Variants in ITGAE observed in about 807,000 individuals in gnomAD.
ITGAE encodes the protein integrin subunit alpha E, also known as integrin alpha-E.
A neutral mutation model predicts 136.5 loss-of-function variants in ITGAE; 99 were observed. The observed-to-expected ratio is 0.73, with a 90% CI of 0.62 to 0.86. ITGAE has a LOEUF of 0.86. Among genes scored for constraint, ITGAE ranks in the 40% least tolerant of loss-of-function variants. ITGAE has a pLI of 0.00. For synonymous variants in ITGAE, 613 were observed against 591.8 expected, an observed-to-expected ratio of 1.04 and a Z score of -0.52; for missense variants, 1,447 against 1,515.3, an observed-to-expected ratio of 0.95 and a Z score of 0.75.
intron 20 of ITGAE, among the ~76,000 whole-genome samples, chr17:3,736,974 A>T (rs1264633990): frequency 6.6e-6 from 1 of 151,852 alleles, no homozygotes; most frequent in Non-Finnish European, 1.5e-5. Flanking sequence ...TCCACCCGAG[A>T]GATGATACAT....
chr17:3,786,049 C>T (rs988056802), intron 1 of ITGAE, among the ~76,000 whole-genome samples: 5 of 151,552 alleles, frequency 3.3e-5, no homozygotes, highest in Admixed American at 3.3e-4. Context: ...CGCCTGTAGT[C>T]CCAGCTACTC....
At chr17:3,751,295 G>A (rs1201812304) in intron 15 of ITGAE, among the ~76,000 whole-genome samples, 2 of 151,950 alleles carry the variant, frequency 1.3e-5, no homozygotes, top group Non-Finnish European at 2.9e-5. Context: ...CGGAGGTGCT[G>A]GGTGGGAGAC....
At chr17:3,790,489 G>A (rs2052911545) in intron 1 of ITGAE, among the ~76,000 whole-genome samples, 1 of 150,378 alleles carries the variant, frequency 6.6e-6, no homozygotes. Context: ...CCTGGTGATA[G>A]AGCAAGACTC....
intron 8 of ITGAE, among the ~76,000 whole-genome samples, chr17:3,758,771 G>A (rs1242007866): frequency 6.6e-6 from 1 of 151,698 alleles, no homozygotes; most frequent in South Asian, 2.1e-4. Context: ...CATTTTTAAA[G>A]TGAGGAAACT....
chr17:3,721,162 C>T (rs1567753392), intron 28 of ITGAE, among the ~76,000 whole-genome samples: 1 of 151,090 alleles, frequency 6.6e-6, no homozygotes, highest in Non-Finnish European at 1.5e-5. Context: ...CTCCTGGGCT[C>T]AAGCAATCCA....
chr17:3,776,634 C>G (rs1240738763), intron 2 of ITGAE, among the ~76,000 whole-genome samples: 1 of 152,074 alleles, frequency 6.6e-6, no homozygotes, highest in Non-Finnish European at 1.5e-5. Context: ...TCACGGCTCC[C>G]TACAGCCTCG....
In ITGAE at chr17:3,714,885, G is replaced by C. The variant is rs778390325; in HGVS notation, c.3502C>G (p.Gln1168Glu). ...QLNLESIRKA[Q>E]LKSENLLEEE... The stretch of plus-strand genomic sequence containing the variant: ...TCGAGCAGATTCTCTGATTTCAGCT[G>C]GGCCTTCCTGATGCTCTCCAAGTTC... The change falls in exon 31 of 31, where the codon CAG (glutamine) becomes GAG (glutamate). Residue 1168 changes from glutamine to glutamate, a missense_variant. This residue lies in a region of ITGAE where 1,031 missense variants were observed against 1,011.4 expected (regional missense o/e 1.02). Coordinates refer to ENST00000263087, the MANE Select transcript of ITGAE (RefSeq NM_002208.5). 2 of 1,611,054 alleles carry C rather than the reference G, an allele frequency of 1.2e-6. No homozygotes were observed. The highest frequency in any genetic ancestry group is 1.7e-6 in the Non-Finnish European group (2 of 1,178,374).
chr17:3,733,659 G>T (rs1363168768), intron 21 of ITGAE, among the ~76,000 whole-genome samples: 2 of 152,210 alleles, frequency 1.3e-5, no homozygotes, highest in African/African-American at 4.8e-5. Flanking sequence ...GACCTCAGGT[G>T]ATCCGCCCGC....
chr17:3,778,896 G>A (rs903756846), intron 1 of ITGAE, among the ~76,000 whole-genome samples: 4 of 152,178 alleles, frequency 2.6e-5, no homozygotes, highest in South Asian at 2.1e-4. Context: ...GAGCCCTGTC[G>A]TTACCCTCAG....
At chr17:3,753,521 C>T (rs1313378391) in intron 13 of ITGAE, 91 bp from the exon 14 acceptor site, 86 of 1,489,980 alleles carry the variant, frequency 5.8e-5, no homozygotes, top group Non-Finnish European at 7.3e-5. Flanking sequence ...TCCTGGACCA[C>T]CCAATTTGGG....
chr17:3,782,410 C>T (rs1428051419), intron 1 of ITGAE, among the ~76,000 whole-genome samples: 2 of 148,766 alleles, frequency 1.3e-5, no homozygotes, highest in Admixed American at 6.8e-5. Flanking sequence ...TCTTGTCGCC[C>T]GAGCTAGAGT....
intron 22 of ITGAE, 69 bp from the exon 23 acceptor site, chr17:3,731,252 C>T (rs1197435892): frequency 5.1e-6 from 6 of 1,173,254 alleles, no homozygotes; most frequent in Non-Finnish European, 7.7e-6. Context: ...CCGCTAGCTA[C>T]TCGTGGAACA....
intron 1 of ITGAE, among the ~76,000 whole-genome samples, chr17:3,796,041 G>A (rs1168786794): frequency 3.9e-5 from 3 of 76,230 alleles, no homozygotes; most frequent in African/African-American, 1.0e-4. Context: ...GTGTGCATCC[G>A]TGTGTGCATC....
chr17:3,733,047 G>C (rs567040004), intron 21 of ITGAE, among the ~76,000 whole-genome samples: 8 of 152,118 alleles, frequency 5.3e-5, no homozygotes, highest in African/African-American at 1.9e-4. Flanking sequence ...GAAGTGGCGC[G>C]ATCTCGGCTC....
At chr17:3,746,366 C>T (rs762613318) in intron 17 of ITGAE, among the ~76,000 whole-genome samples, 8 of 152,120 alleles carry the variant, frequency 5.3e-5, no homozygotes, top group Non-Finnish European at 7.4e-5. Flanking sequence ...ACCAGCTCAG[C>T]TAGGGAGAGA....
At chr17:3,761,209 C>T (rs1170630179) in intron 5 of ITGAE, 32 bp from the exon 6 acceptor site, 1 of 1,603,588 alleles carries the variant, frequency 6.2e-7, no homozygotes, top group African/African-American at 1.3e-5. Flanking sequence ...AGCTCAGAGT[C>T]AGAAAGGCTC....
chr17:3,773,205 T>C (rs1402936986), intron 2 of ITGAE, among the ~76,000 whole-genome samples: 1 of 152,080 alleles, frequency 6.6e-6, no homozygotes, highest in African/African-American at 2.4e-5. Context: ...ATAAAGGATA[T>C]TACAGGCCAG....
At position 3,786,363 on chromosome 17, in the gene ITGAE, A is replaced by G. The variant is rs557575522; in HGVS notation, c.35-8703T>C. ...GAGATCTCTACGCCCAGATAGCTTC[A>G]CTGACGAATTTTTCCAAACATTTAA... On this transcript the variant is annotated intron_variant, in intron 1 of 30. Transcript: ENST00000263087. 2.0e-5 allele frequency among the ~76,000 whole-genome samples: 3 copies of G among 152,256 alleles called. No homozygotes were observed. In the East Asian group the frequency reaches 5.8e-4, roughly 29 times the overall value.
intron 17 of ITGAE, 94 bp from the exon 18 acceptor site, chr17:3,746,021 C>T (rs903518259): frequency 1.8e-6 from 2 of 1,141,484 alleles, no homozygotes; most frequent in Non-Finnish European, 2.5e-6. Flanking sequence ...TGTGGCCCCT[C>T]CTGAACAGTG....
Sources: allele counts gnomAD v4.1 joint callset (sites outside exome capture counted in the v4.1 genomes callset), GRCh38; gene constraint gnomAD v4.1.1; regional missense constraint gnomAD v4.1.1; transcripts MANE v1.5; gene names NCBI Gene and HGNC (gene_info 2026-07-23, HGNC 2026-07-21).